TMEM74: variants seen among roughly 807,000 people sequenced by gnomAD.
TMEM74 encodes transmembrane protein 74.
Under a neutral mutation model 18.1 loss-of-function variants are expected in TMEM74, and 13 were observed. That is an observed-to-expected ratio of 0.72 (90% CI 0.47 to 1.14). The LOEUF is 1.14. Among genes scored for constraint, TMEM74 ranks in the 50% most tolerant of loss-of-function variants. The pLI is 0.00. For missense variants in TMEM74, 372 were observed against 375.9 expected (o/e 0.99, Z 0.09); for synonymous variants, 159 against 146.6 (o/e 1.08, Z -0.61).
chr8:108,678,268 A>G (rs143727871), intron 1 of TMEM74, among the ~76,000 whole-genome samples: 1,588 of 152,358 alleles, frequency 0.01, 23 homozygotes, highest in African/African-American at 0.032. Flanking sequence ...AAAAATATAT[A>G]CAATTTGAAA....
At chr8:108,629,615 A>C (rs1172120018) in intron 2 of TMEM74, among the ~76,000 whole-genome samples, 2 of 152,092 alleles carry the variant, frequency 1.3e-5, no homozygotes, top group Non-Finnish European at 2.9e-5. Context: ...AGGGAAGCCC[A>C]TCAGACTGAG....
intron 1 of TMEM74, among the ~76,000 whole-genome samples, chr8:108,707,801 G>A (rs1319227701): frequency 6.6e-6 from 1 of 152,160 alleles, no homozygotes; most frequent in African/African-American, 2.4e-5. Context: ...TCTTGGATAT[G>A]ACACCAAAAG....
intron 1 of TMEM74, among the ~76,000 whole-genome samples, chr8:108,711,698 G>A (rs1391197): frequency 0.39 from 58,715 of 152,070 alleles, 11,738 homozygotes; most frequent in East Asian, 0.6. Context: ...ATCTGCCTTA[G>A]TGTCCTGTTG....
chr8:108,615,294 C>T (rs934293470), intron 2 of TMEM74, among the ~76,000 whole-genome samples: 1 of 152,192 alleles, frequency 6.6e-6, no homozygotes, highest in African/African-American at 2.4e-5. Context: ...AAGCCTTCAC[C>T]TAGGGAATGG....
At chr8:108,740,373 C>T (rs367600177) in intron 1 of TMEM74, among the ~76,000 whole-genome samples, 49 of 152,310 alleles carry the variant, frequency 3.2e-4, no homozygotes, top group African/African-American at 1.2e-3. Flanking sequence ...AGACATGCAG[C>T]ATCACTTCTG....
intron 1 of TMEM74, among the ~76,000 whole-genome samples, chr8:108,657,863 T>TATATATAC (rs1812856072): frequency 2.2e-5 from 1 of 44,668 alleles, no homozygotes; most frequent in African/African-American, 1.0e-4. Flanking sequence ...AAAAAAAATA[T>TATATATAC]ATATATATAT....
chr8:108,724,797 C>T (rs1813619420), intron 1 of TMEM74, among the ~76,000 whole-genome samples: 1 of 152,070 alleles, frequency 6.6e-6, no homozygotes, highest in Admixed American at 6.6e-5. Flanking sequence ...CTGAAGCTTC[C>T]TCCCATCTCC....
intron 1 of TMEM74, among the ~76,000 whole-genome samples, chr8:108,708,153 C>T (rs752441946): frequency 1.4e-4 from 21 of 151,948 alleles, no homozygotes; most frequent in Non-Finnish European, 2.1e-4. Context: ...TGTGTTAGGT[C>T]GCTTAGGATA....
intron 1 of TMEM74, among the ~76,000 whole-genome samples, chr8:108,733,237 T>C (rs1238844199): frequency 6.6e-6 from 1 of 152,122 alleles, no homozygotes; most frequent in Non-Finnish European, 1.5e-5. Context: ...AACCCCAAAC[T>C]GGAACAACCC....
At chr8:108,688,115 A>G (rs1813189707) in intron 1 of TMEM74, among the ~76,000 whole-genome samples, 1 of 152,248 alleles carries the variant, frequency 6.6e-6, no homozygotes. Context: ...ATCTTTCTCC[A>G]TCAGTTTAGC....
intron 2 of TMEM74, among the ~76,000 whole-genome samples, chr8:108,649,637 C>A (rs1812753286): frequency 6.6e-6 from 1 of 152,166 alleles, no homozygotes; most frequent in South Asian, 2.1e-4. Flanking sequence ...TTTTCACCAA[C>A]CTGATATCTG....
chr8:108,646,034 G>A (rs998815887), intron 2 of TMEM74, among the ~76,000 whole-genome samples: 2 of 151,400 alleles, frequency 1.3e-5, no homozygotes, highest in African/African-American at 4.9e-5. Context: ...ATTATTTTAA[G>A]AGAAATTATA....
Position 108,784,605 on chromosome 8 carries a change from G to A in TMEM74, c.494C>T (p.Ser165Leu), listed in dbSNP as rs764638911. 1 of 1,614,170 alleles carries A rather than the reference G, an allele frequency of 6.2e-7. No individual in the cohort carries two copies. Among genetic ancestry groups the A allele is most frequent in the East Asian group, 2.2e-5 (1 of 44,866 alleles). ...AGACTTCCCTGAAGACGTGGCTTCT[G>A]AACTTGTATCATCCTCCTCTTCAGA... ...LISEEEDDTSSEATSSGKSID... is the reference protein window; with the variant it reads ...LISEEEDDTSLEATSSGKSID... Residue 165 changes from serine (S) to leucine (L), a missense_variant, in exon 2 of 2, where the codon TCA (serine) becomes TTA (leucine). Ser to Leu is a moderately radical substitution (Grantham distance 145). Coordinates refer to ENST00000297459, the MANE Select transcript of TMEM74 (RefSeq NM_153015.3).
At chr8:108,719,765 A>C (rs1813568065) in intron 1 of TMEM74, among the ~76,000 whole-genome samples, 1 of 152,100 alleles carries the variant, frequency 6.6e-6, no homozygotes, top group Non-Finnish European at 1.5e-5. Flanking sequence ...TGGTGGATAA[A>C]TTTGAGAAGC....
chr8:108,636,398 G>C (rs1037346282), intron 2 of TMEM74, among the ~76,000 whole-genome samples: 2 of 152,054 alleles, frequency 1.3e-5, no homozygotes, highest in Admixed American at 6.6e-5. Flanking sequence ...AAGTTTTTAA[G>C]TAAAGCTAAC....
rs888317224 is a variant in TMEM74 at position 108,718,107 on chromosome 8, C to T, written n.120-62670G>A. On this transcript the variant is annotated intron_variant and non_coding_transcript_variant, in intron 1 of 3. Coordinates refer to the TMEM74 transcript ENST00000518838. ...CCGAGTAGCTGGGACTACAGGCGCC[C>T]GCCACTACGCCCGGCTAATTTTTTG... Among the ~76,000 whole-genome samples, 20 of 110,368 alleles carry T rather than the reference C, an allele frequency of 1.8e-4. 2 individuals are homozygous for T. The highest frequency in any genetic ancestry group is 3.7e-4 in the East Asian group (1 of 2,732). 72.4% of individuals were successfully genotyped at this position (110,368 alleles called of 152,430 possible).
chr8:108,698,525 T>C (rs1285489732), intron 1 of TMEM74, among the ~76,000 whole-genome samples: 1 of 152,216 alleles, frequency 6.6e-6, no homozygotes, highest in African/African-American at 2.4e-5. Context: ...CTTAGGACAG[T>C]GGATGGCATG....
intron 1 of TMEM74, among the ~76,000 whole-genome samples, chr8:108,754,337 A>T (rs1220920064): frequency 6.6e-6 from 1 of 152,050 alleles, no homozygotes; most frequent in Non-Finnish European, 1.5e-5. Flanking sequence ...AATAATAAAC[A>T]CATATTTTAC....
intron 2 of TMEM74, among the ~76,000 whole-genome samples, chr8:108,628,317 C>T (rs922495220): frequency 1.3e-5 from 2 of 152,022 alleles, no homozygotes; most frequent in Admixed American, 1.3e-4. Context: ...TAGAACACTT[C>T]AGGAACCAAA....
Sources: gnomAD v4.1 joint callset for allele counts (sites outside exome capture counted in the v4.1 genomes callset) on GRCh38, gnomAD v4.1.1 for gene constraint, MANE v1.5 for transcripts, NCBI Gene and HGNC (gene_info 2026-07-23, HGNC 2026-07-21) for gene names.